VPS13B: variants seen among roughly 807,000 people sequenced by gnomAD.
The protein encoded by VPS13B is vacuolar protein sorting 13 homolog B.
Under a neutral mutation model 426.4 loss-of-function variants are expected in VPS13B, and 285 were observed. The ratio of observed to expected loss-of-function variants is 0.67; its 90% CI spans 0.61 to 0.74. The LOEUF (loss-of-function observed/expected upper bound fraction) is 0.74, where lower values mean the gene tolerates loss of function less well. Among genes scored for constraint, VPS13B ranks in the 30% least tolerant of loss-of-function variants. The pLI is 0.00. For missense variants in VPS13B, 4,537 were observed against 4,782.6 expected, an observed-to-expected ratio of 0.95 and a Z score of 1.51; for synonymous variants, 1,676 against 1,676.4, an observed-to-expected ratio of 1.00 and a Z score of 0.01.
intron 21 of VPS13B, among the ~76,000 whole-genome samples, chr8:99,402,256 T>C (rs1403209213): frequency 2.0e-5 from 3 of 152,114 alleles, no homozygotes; most frequent in Non-Finnish European, 4.4e-5. Flanking sequence ...GTGTGATTTG[T>C]CCCCTTCATG....
intron 17 of VPS13B, among the ~76,000 whole-genome samples, chr8:99,227,772 A>G (rs1349862849): frequency 6.6e-6 from 1 of 152,174 alleles, no homozygotes; most frequent in Non-Finnish European, 1.5e-5. Flanking sequence ...TTTGTACATG[A>G]TATCCACACA....
chr8:99,286,822 G>A (rs918509236), intron 19 of VPS13B, among the ~76,000 whole-genome samples: 3 of 152,096 alleles, frequency 2.0e-5, no homozygotes, highest in African/African-American at 7.2e-5. Context: ...ATTTTGTGAA[G>A]GTTTAGTGCA....
At chr8:99,867,196 A>G (rs1817151119) in intron 58 of VPS13B, among the ~76,000 whole-genome samples, 1 of 152,194 alleles carries the variant, frequency 6.6e-6, no homozygotes, top group Non-Finnish European at 1.5e-5. Flanking sequence ...TTCTGTCAAG[A>G]ATTGTAAAGA....
intron 19 of VPS13B, among the ~76,000 whole-genome samples, chr8:99,284,760 T>A (rs977694502): frequency 6.6e-6 from 1 of 151,620 alleles, no homozygotes; most frequent in African/African-American, 2.4e-5. Context: ...AGAGTCCCAC[T>A]ATGTTGCCCA....
chr8:99,257,158 C>T (rs1210083469), intron 17 of VPS13B, among the ~76,000 whole-genome samples: 1 of 152,050 alleles, frequency 6.6e-6, no homozygotes, highest in Non-Finnish European at 1.5e-5. Flanking sequence ...ATCTAGTGGG[C>T]AATTACATTT....
At chr8:99,564,086 C>T (rs1360959988) in intron 31 of VPS13B, among the ~76,000 whole-genome samples, 1 of 152,024 alleles carries the variant, frequency 6.6e-6, no homozygotes, top group African/African-American at 2.4e-5. Context: ...TGATGTGCTT[C>T]TATGTGTATG....
intron 17 of VPS13B, among the ~76,000 whole-genome samples, chr8:99,270,355 T>A (rs1403358658): frequency 6.6e-6 from 1 of 151,758 alleles, no homozygotes; most frequent in African/African-American, 2.4e-5. Context: ...GCCAGGCTGG[T>A]CTTAAACTCC....
At chr8:99,674,597 C>G (rs1406725339) in intron 35 of VPS13B, among the ~76,000 whole-genome samples, 1 of 152,042 alleles carries the variant, frequency 6.6e-6, no homozygotes, top group Non-Finnish European at 1.5e-5. Context: ...AAGGTAAGGA[C>G]TAAGTACTGC....
intron 35 of VPS13B, among the ~76,000 whole-genome samples, chr8:99,663,263 T>A (rs1377122541): frequency 6.6e-6 from 1 of 152,202 alleles, no homozygotes; most frequent in Non-Finnish European, 1.5e-5. Flanking sequence ...TGAAACCATC[T>A]CCACTGACTT....
At chr8:99,543,653 G>A (rs1184583990) in intron 30 of VPS13B, among the ~76,000 whole-genome samples, 3 of 149,602 alleles carry the variant, frequency 2.0e-5, no homozygotes, top group African/African-American at 7.3e-5. Context: ...GTGGGCAAAG[G>A]ACATGAACAG....
intron 24 of VPS13B, among the ~76,000 whole-genome samples, chr8:99,469,860 A>G (rs1288842431): frequency 6.6e-6 from 1 of 152,170 alleles, no homozygotes; most frequent in Non-Finnish European, 1.5e-5. Flanking sequence ...CAAAGGGAAG[A>G]TGATGTAAAG....
rs398124329 is a variant in VPS13B at position 99,147,861 on chromosome 8, A to G, written c.1864A>G (p.Thr622Ala). Reference sequence around the variant, plus strand: ...TTTAGATATTAAGGATGAAAATGAAACAATACTGAATCCTGAAGAGGTGGC... The same window carrying G: ...TTTAGATATTAAGGATGAAAATGAAGCAATACTGAATCCTGAAGAGGTGGC... ...LKSDIKDENETILNPEEVALL... is the reference protein window; with the variant it reads ...LKSDIKDENEAILNPEEVALL... The change falls in exon 14 of 62, where the codon ACA becomes GCA. Residue 622 changes from threonine (T) to alanine (A), a missense_variant. Physicochemically the swap from Thr to Ala is moderately conservative, Grantham distance 58. Around this residue, in one of 2 missense-constraint regions of VPS13B, gnomAD observed 4,311 missense variants for 4,474.3 expected, o/e 0.96. Transcript: ENST00000357162. 2.3e-5 allele frequency: 35 copies of G among 1,547,066 alleles called. No homozygotes were observed. The African/African-American group carries it at 3.0e-4, about 13-fold the overall frequency.
At chr8:99,040,939 A>C (rs993327147) in intron 3 of VPS13B, among the ~76,000 whole-genome samples, 4 of 152,198 alleles carry the variant, frequency 2.6e-5, no homozygotes, top group African/African-American at 9.6e-5. Context: ...AATTCTACCA[A>C]CATTTGTTGG....
chr8:99,036,792 G>A (rs1842768665), intron 2 of VPS13B, among the ~76,000 whole-genome samples: 1 of 152,136 alleles, frequency 6.6e-6, no homozygotes, highest in Non-Finnish European at 1.5e-5. Context: ...GGTGGTAGAG[G>A]TGGAATTGTA....
intron 36 of VPS13B, among the ~76,000 whole-genome samples, chr8:99,712,548 G>A (rs1832745908): frequency 6.6e-6 from 1 of 152,106 alleles, no homozygotes; most frequent in South Asian, 2.1e-4. Context: ...CTTCATTGCA[G>A]GGCCTCTGTT....
At chr8:99,048,066 C>A (rs150259319) in intron 3 of VPS13B, among the ~76,000 whole-genome samples, 3 of 152,060 alleles carry the variant, frequency 2.0e-5, no homozygotes, top group African/African-American at 7.2e-5. Flanking sequence ...TCATTCAGTT[C>A]GAAGAAATTT....
At chr8:99,229,475 T>C (rs1563615246) in intron 17 of VPS13B, among the ~76,000 whole-genome samples, 1 of 149,540 alleles carries the variant, frequency 6.7e-6, no homozygotes, top group East Asian at 1.9e-4. Flanking sequence ...TATTCATGGA[T>C]TGATTGATTG....
intron 33 of VPS13B, among the ~76,000 whole-genome samples, chr8:99,597,185 C>G (rs946193627): frequency 1.3e-5 from 2 of 151,886 alleles, no homozygotes; most frequent in Non-Finnish European, 2.9e-5. Context: ...ATGGGGCTTC[C>G]CATTATAGGG....
intron 30 of VPS13B, among the ~76,000 whole-genome samples, chr8:99,522,948 C>T (rs572444983): frequency 6.6e-6 from 1 of 152,126 alleles, no homozygotes; most frequent in Non-Finnish European, 1.5e-5. Context: ...TAAATGTATA[C>T]ACAAAGCAAA....
Sources: allele counts gnomAD v4.1 joint callset (sites outside exome capture counted in the v4.1 genomes callset), GRCh38; gene constraint gnomAD v4.1.1; regional missense constraint gnomAD v4.1.1; transcripts MANE v1.5; gene names NCBI Gene and HGNC (gene_info 2026-07-23, HGNC 2026-07-21).